The following HNRNPC variants were observed in gnomAD, a reference collection of about 807,000 sequenced individuals.
The protein encoded by HNRNPC is heterogeneous nuclear ribonucleoproteins C1/C2.
Under a neutral mutation model 33.2 loss-of-function variants are expected in HNRNPC, and 3 were observed. That is an observed-to-expected ratio of 0.09 (90% confidence interval 0.04 to 0.23). The LOEUF (loss-of-function observed/expected upper bound fraction) is 0.23, where lower values mean the gene tolerates loss of function less well. Among genes scored for constraint, HNRNPC ranks in the 10% least tolerant of loss-of-function variants. HNRNPC has a pLI of 1.00. For synonymous variants in HNRNPC, 121 were observed against 126.7 expected, an observed-to-expected ratio of 0.96 and a Z score of 0.30; for missense variants, 143 against 366.7, an observed-to-expected ratio of 0.39 and a Z score of 4.98.
intron 3 of HNRNPC, among the ~76,000 whole-genome samples, chr14:21,232,620 G>A (rs1461143459): frequency 6.6e-6 from 1 of 152,150 alleles, no homozygotes; most frequent in Non-Finnish European, 1.5e-5. Context: ...CCCAACTCAA[G>A]CCTCCCAAAG....
At chr14:21,249,610 A>AC (rs1896403607) in intron 2 of HNRNPC, among the ~76,000 whole-genome samples, 1 of 151,022 alleles carries the variant, frequency 6.6e-6, no homozygotes, top group Non-Finnish European at 1.5e-5. Flanking sequence ...AAAAAAAAAA[A>AC]AAAAAGAATC....
At chr14:21,235,967 T>C (rs1894653148) in intron 2 of HNRNPC, among the ~76,000 whole-genome samples, 1 of 151,980 alleles carries the variant, frequency 6.6e-6, no homozygotes, top group African/African-American at 2.4e-5. Flanking sequence ...TGCAGAAAAA[T>C]ACAGATGTGA....
intron 2 of HNRNPC, among the ~76,000 whole-genome samples, chr14:21,260,545 G>A (rs1490630397): frequency 6.6e-6 from 1 of 151,342 alleles, no homozygotes; most frequent in African/African-American, 2.4e-5. Context: ...CTCGCTGGGT[G>A]CGGCAGCTCA....
chr14:21,213,729 C>T (rs1891864575), intron 5 of HNRNPC, among the ~76,000 whole-genome samples: 1 of 152,152 alleles, frequency 6.6e-6, no homozygotes, highest in South Asian at 2.1e-4. Flanking sequence ...ATAAATACTA[C>T]TGATAAAAAA....
intron 5 of HNRNPC, among the ~76,000 whole-genome samples, chr14:21,224,617 A>C (rs912346177): frequency 6.6e-6 from 1 of 152,166 alleles, no homozygotes; most frequent in Non-Finnish European, 1.5e-5. Context: ...CAACATTTAC[A>C]ATGTTTACCA....
At chr14:21,249,698 T>C (rs1471960700) in intron 2 of HNRNPC, among the ~76,000 whole-genome samples, 1 of 151,764 alleles carries the variant, frequency 6.6e-6, no homozygotes, top group African/African-American at 2.4e-5. Context: ...AAGTCCCAAA[T>C]TACATAGAAA....
chr14:21,218,222 C>G (rs557857632), intron 5 of HNRNPC, among the ~76,000 whole-genome samples: 1 of 152,244 alleles, frequency 6.6e-6, no homozygotes, highest in African/African-American at 2.4e-5. Context: ...CCTCACCCTC[C>G]CAAAGTGCTG....
intron 5 of HNRNPC, among the ~76,000 whole-genome samples, chr14:21,216,465 T>C (rs1460001766): frequency 1.3e-5 from 2 of 152,166 alleles, no homozygotes; most frequent in Non-Finnish European, 2.9e-5. Flanking sequence ...CCCAGCACTT[T>C]GGGAGGCTAA....
At chr14:21,256,390 G>A (rs558876146) in intron 2 of HNRNPC, among the ~76,000 whole-genome samples, 12 of 151,968 alleles carry the variant, frequency 7.9e-5, no homozygotes, top group Admixed American at 3.9e-4. Context: ...CAGAGGTTGC[G>A]GTGAGCCGAG....
intron 2 of HNRNPC, among the ~76,000 whole-genome samples, chr14:21,260,375 A>T (rs1878018819): frequency 6.6e-6 from 1 of 151,414 alleles, no homozygotes; most frequent in African/African-American, 2.4e-5. Flanking sequence ...TATTTAAAAA[A>T]AAAAAAAAAA....
At chr14:21,225,867 A>G (rs1893362338) in intron 5 of HNRNPC, among the ~76,000 whole-genome samples, 1 of 152,154 alleles carries the variant, frequency 6.6e-6, no homozygotes, top group South Asian at 2.1e-4. Flanking sequence ...ATTATAAGGG[A>G]AAGTGGGGTT....
chr14:21,225,735 T>G (rs544705748), intron 5 of HNRNPC, among the ~76,000 whole-genome samples: 1 of 152,274 alleles, frequency 6.6e-6, no homozygotes, highest in Admixed American at 6.5e-5. Context: ...CGCATCCATT[T>G]TCAATCAAAA....
In HNRNPC at chr14:21,211,822, T is replaced by A; in HGVS notation, c.625A>T (p.Ser209Cys). 6.2e-7 allele frequency: 1 copy of A among 1,612,196 alleles called. No individual in the cohort carries two copies. Among genetic ancestry groups the A allele is most frequent in the South Asian group, 1.1e-5 (1 of 91,004 alleles). Reference sequence around the variant, plus strand: ...AAAACCCATTTACCTGCTTGTTTGCTCTGTTCCTTTTCAATTTTTTCCAGG... The same window carrying A: ...AAAACCCATTTACCTGCTTGTTTGCACTGTTCCTTTTCAATTTTTTCCAGG... ...ENLEKIEKEQ[S>C]KQAVEMKNDK... is the part of the protein sequence containing the mutation. Residue 209 changes from serine (S) to cysteine (C), a missense_variant, in exon 7 of 9, where the codon AGC becomes TGC. Physicochemically the swap from Ser to Cys is moderately radical, Grantham distance 112. Coordinates refer to ENST00000553300, the MANE Select transcript of HNRNPC (RefSeq NM_004500.4).
chr14:21,216,078 C>G (rs1034166414), intron 5 of HNRNPC, among the ~76,000 whole-genome samples: 1 of 145,378 alleles, frequency 6.9e-6, no homozygotes, highest in Non-Finnish European at 1.5e-5. Flanking sequence ...CATTGCACTC[C>G]AGCCTGGGCG....
chr14:21,254,109 A>AAGT (rs1555359485), intron 2 of HNRNPC, among the ~76,000 whole-genome samples: 2 of 149,890 alleles, frequency 1.3e-5, no homozygotes, highest in Non-Finnish European at 3.0e-5. Context: ...CCCCGGCAAA[A>AAGT]AAGATGTGCA....
chr14:21,256,827 A>T (rs770822422), intron 2 of HNRNPC, among the ~76,000 whole-genome samples: 2 of 151,930 alleles, frequency 1.3e-5, no homozygotes. Context: ...TAATTTTTGT[A>T]TATTTTTGAA....
intron 2 of HNRNPC, among the ~76,000 whole-genome samples, chr14:21,251,037 A>T (rs1358348478): frequency 3.9e-5 from 6 of 152,198 alleles, no homozygotes; most frequent in Non-Finnish European, 2.9e-5. Flanking sequence ...CGAGGCGGGT[A>T]GATCACGAGG....
chr14:21,217,496 T>G (rs1892317990), intron 5 of HNRNPC, among the ~76,000 whole-genome samples: 1 of 152,214 alleles, frequency 6.6e-6, no homozygotes, highest in African/African-American at 2.4e-5. Flanking sequence ...AAAGAAAATA[T>G]AATTCTGGTA....
chr14:21,256,189 G>GT (rs1566641960), intron 2 of HNRNPC, among the ~76,000 whole-genome samples: 1 of 152,198 alleles, frequency 6.6e-6, no homozygotes, highest in Admixed American at 6.5e-5. Flanking sequence ...GATCACGCCT[G>GT]TAATCCCAGC....
Sources: allele counts gnomAD v4.1 joint callset (sites outside exome capture counted in the v4.1 genomes callset), GRCh38; gene constraint gnomAD v4.1.1; transcripts MANE v1.5; gene names NCBI Gene and HGNC (gene_info 2026-07-23, HGNC 2026-07-21).